The following ADGRL3 variants were observed in gnomAD, a reference collection of about 807,000 sequenced individuals.
The protein encoded by ADGRL3 is calcium-independent alpha-latrotoxin receptor 3.
In ADGRL3, 62 loss-of-function variants were observed where a neutral mutation model predicts 153.5. That is an observed-to-expected ratio of 0.40 (90% CI 0.33 to 0.50). ADGRL3 has a LOEUF of 0.50. ADGRL3 is among the 20% of genes least tolerant of loss of function. The pLI is 0.47. For synonymous variants in ADGRL3, 710 were observed against 672.5 expected (o/e 1.06, Z -0.86); for missense variants, 1,641 against 1,859.4 (o/e 0.88, Z 2.16).
At chr4:61,825,894 G>A (rs188919184) in intron 9 of ADGRL3, among the ~76,000 whole-genome samples, 6 of 152,300 alleles carry the variant, frequency 3.9e-5, no homozygotes, top group Admixed American at 6.5e-5. Flanking sequence ...GAGGGGTGTA[G>A]GGAGACACAG....
chr4:61,573,711 AC>A (rs1439736273), intron 4 of ADGRL3, among the ~76,000 whole-genome samples: 1 of 151,954 alleles, frequency 6.6e-6, no homozygotes, highest in Non-Finnish European at 1.5e-5. Flanking sequence ...TTCAATCAAA[AC>A]TGATAAATAT....
chr4:61,519,183 T>A (rs2098515428), intron 4 of ADGRL3, among the ~76,000 whole-genome samples: 1 of 152,190 alleles, frequency 6.6e-6, no homozygotes, highest in South Asian at 2.1e-4. Flanking sequence ...AGAATATCAA[T>A]TAGAATCATT....
chr4:61,939,471 TTTTC>T (rs1347771579), intron 15 of ADGRL3, among the ~76,000 whole-genome samples: 29 of 151,260 alleles, frequency 1.9e-4, no homozygotes, highest in African/African-American at 7.1e-4. Context: ...CAGTTTTTTT[TTTTC>T]TTTTTTTTTT....
At chr4:61,328,853 C>G (rs926357012) in intron 1 of ADGRL3, among the ~76,000 whole-genome samples, 1 of 152,056 alleles carries the variant, frequency 6.6e-6, no homozygotes, top group African/African-American at 2.4e-5. Flanking sequence ...GTGCACTGTT[C>G]TCCATAATCC....
intron 8 of ADGRL3, among the ~76,000 whole-genome samples, chr4:61,761,890 C>T (rs1452002727): frequency 2.0e-5 from 3 of 151,902 alleles, no homozygotes; most frequent in Non-Finnish European, 4.4e-5. Flanking sequence ...ATGATCACAC[C>T]ACTATACTCC....
At chr4:61,645,253 T>C (rs2150270402) in intron 5 of ADGRL3, among the ~76,000 whole-genome samples, 1 of 152,290 alleles carries the variant, frequency 6.6e-6, no homozygotes, top group African/African-American at 2.4e-5. Context: ...TGCCAGTCTG[T>C]GTCTTTTAAT....
chr4:62,032,061 C>G (rs1023785903), intron 23 of ADGRL3, among the ~76,000 whole-genome samples: 120 of 151,248 alleles, frequency 7.9e-4, no homozygotes, highest in African/African-American at 2.9e-3. Context: ...TCTTCAAACA[C>G]TAGTTTACAT....
chr4:61,429,049 G>A (rs1179580293), intron 2 of ADGRL3, among the ~76,000 whole-genome samples: 1 of 152,064 alleles, frequency 6.6e-6, no homozygotes, highest in East Asian at 1.9e-4. Context: ...GTAGGAAGAT[G>A]TGGTTACAAA....
chr4:61,846,548 T>TA (rs1419546930), intron 9 of ADGRL3, among the ~76,000 whole-genome samples: 1 of 152,112 alleles, frequency 6.6e-6, no homozygotes, highest in Non-Finnish European at 1.5e-5. Context: ...AATAGGTCAT[T>TA]AAAAAACCTT....
In ADGRL3 at chr4:61,458,313, A is replaced by G. The variant is rs2097775206; in HGVS notation, c.-173-38808A>G. Among the ~76,000 whole-genome samples, 3 of 151,498 alleles carry G rather than the reference A, an allele frequency of 2.0e-5. No homozygotes were observed. The South Asian group carries it at 6.2e-4, about 31-fold the overall frequency. ...TAATTTATGTTTTTAATATTTTTAA[A>G]TGTCAGCTAAATGGGTTATTACTTT... On this transcript the variant is annotated intron_variant, in intron 2 of 26. Transcript: ENST00000683033.
intron 1 of ADGRL3, among the ~76,000 whole-genome samples, chr4:61,365,325 CT>C (rs1482714682): frequency 1.3e-5 from 2 of 152,080 alleles, no homozygotes; most frequent in East Asian, 3.8e-4. Flanking sequence ...ATGTAATTTT[CT>C]TTTGCTCTAC....
chr4:61,795,273 A>G (rs2097395942), intron 8 of ADGRL3, among the ~76,000 whole-genome samples: 1 of 152,130 alleles, frequency 6.6e-6, no homozygotes, highest in Admixed American at 6.5e-5. Context: ...GACTACAGGC[A>G]CAATCCACTA....
At chr4:61,352,381 C>T (rs530211994) in intron 1 of ADGRL3, among the ~76,000 whole-genome samples, 1 of 152,000 alleles carries the variant, frequency 6.6e-6, no homozygotes, top group South Asian at 2.1e-4. Context: ...GAATAGACTA[C>T]AGTAAACATA....
chr4:61,347,938 A>T (rs1186599647), intron 1 of ADGRL3, among the ~76,000 whole-genome samples: 1 of 152,108 alleles, frequency 6.6e-6, no homozygotes, highest in East Asian at 1.9e-4. Context: ...CTCATTTCTT[A>T]AAACAGACTC....
At chr4:61,858,012 G>C (rs2098297333) in intron 9 of ADGRL3, among the ~76,000 whole-genome samples, 1 of 152,208 alleles carries the variant, frequency 6.6e-6, no homozygotes, top group South Asian at 2.1e-4. Flanking sequence ...TAGGTGGTAA[G>C]TGTAAAGAAA....
intron 13 of ADGRL3, among the ~76,000 whole-genome samples, chr4:61,916,261 TATTTTA>T (rs1417643316): frequency 2.0e-5 from 3 of 152,218 alleles, no homozygotes; most frequent in East Asian, 1.9e-4. Context: ...TTAATATACA[TATTTTA>T]ATTTTAATTG....
chr4:61,852,840 T>G (rs2098222886), intron 9 of ADGRL3, among the ~76,000 whole-genome samples: 1 of 148,748 alleles, frequency 6.7e-6, no homozygotes, highest in African/African-American at 2.4e-5. Flanking sequence ...ATTTATTTAT[T>G]TATTTATTGT....
At chr4:61,441,615 G>A (rs138481967) in intron 2 of ADGRL3, among the ~76,000 whole-genome samples, 1 of 151,856 alleles carries the variant, frequency 6.6e-6, no homozygotes, top group African/African-American at 2.4e-5. Flanking sequence ...TGCCTCCTGG[G>A]TTCAAGCAAT....
chr4:61,777,787 G>GA (rs1210403544), intron 8 of ADGRL3, among the ~76,000 whole-genome samples: 2 of 152,034 alleles, frequency 1.3e-5, no homozygotes, highest in African/African-American at 2.4e-5. Flanking sequence ...TGCTAAGGAA[G>GA]AAAAAAATGC....
Sources: gnomAD v4.1 joint callset for allele counts (sites outside exome capture counted in the v4.1 genomes callset) on GRCh38, gnomAD v4.1.1 for gene constraint, MANE v1.5 for transcripts, NCBI Gene and HGNC (gene_info 2026-07-23, HGNC 2026-07-21) for gene names.